The following ZNF79 variants were observed in gnomAD, a reference collection of about 807,000 sequenced individuals.
ZNF79 encodes the protein zinc finger protein 79, also known as ZNFpT7.
Under a neutral mutation model 14.9 loss-of-function variants are expected in ZNF79, and 13 were observed. The ratio of observed to expected loss-of-function variants is 0.87; its 90% CI spans 0.57 to 1.38. ZNF79 has a LOEUF of 1.38. Ranked by LOEUF, ZNF79 falls within the 40% of genes most tolerant of loss-of-function variation. ZNF79 has a pLI of 0.00. For synonymous variants in ZNF79, 223 were observed against 235.1 expected, an observed-to-expected ratio of 0.95 and a Z score of 0.47; for missense variants, 631 against 630.6, an observed-to-expected ratio of 1.00 and a Z score of -0.01.
At chr9:127,432,946 A>G (rs1833886315) in intron 2 of ZNF79, among the ~76,000 whole-genome samples, 2 of 151,946 alleles carry the variant, frequency 1.3e-5, no homozygotes, top group Non-Finnish European at 2.9e-5. Flanking sequence ...AATATTTTTT[A>G]GTTTTTTGTA....
At position 127,435,908 on chromosome 9, in the gene ZNF79, G is replaced by A. The variant is rs748554777; in HGVS notation, c.233G>A (p.Gly78Glu). The A allele has an allele frequency of 1.2e-6, 2 of 1,613,990 alleles. No individual in the cohort carries two copies. The highest frequency in any genetic ancestry group is 3.3e-5 in the Admixed American group (2 of 60,004). Residue 78 changes from glycine to glutamate, a missense_variant and splice_region_variant, in exon 4 of 5, where the codon GGA becomes GAA. Coordinates refer to ENST00000342483, the MANE Select transcript of ZNF79 (RefSeq NM_007135.3). ...AAGCCTGTTTTTTCCCGTTGAATAG[G>A]ACTTCCAGTTTCCCAGCCTGGCATG... ...PGKSRSLVLL[G>E]LPVSQPGMNS...
rs754055399 is a variant in ZNF79 at position 127,435,902 on chromosome 9, G to A, written c.233-6G>A. 8.1e-6 allele frequency: 13 copies of A among 1,613,582 alleles called. No individual in the cohort carries two copies. Among genetic ancestry groups the A allele is most frequent in the Non-Finnish European group, 1.0e-5 (12 of 1,179,708 alleles). On this transcript the variant is annotated splice_polypyrimidine_tract_variant and splice_region_variant and intron_variant, in intron 3 of 4. Transcript: ENST00000342483. ...TTTCTAAAGCCTGTTTTTTCCCGTTGAATAGGACTTCCAGTTTCCCAGCCT... is the reference window on the plus strand; with the variant it reads ...TTTCTAAAGCCTGTTTTTTCCCGTTAAATAGGACTTCCAGTTTCCCAGCCT...
rs779400564 is a variant in ZNF79, at chr9:127,444,763, C to G, written c.1063C>G (p.His355Asp). 6.2e-7 allele frequency: 1 copy of G among 1,609,236 alleles called. No homozygotes were observed. The highest frequency in any genetic ancestry group is 8.5e-7 in the Non-Finnish European group (1 of 1,175,958). ...AGCGTTCATTCAGCACCAGAGGATT[C>G]ACACCGGGGAGAAGCCCTACAGATG... is the stretch of plus-strand genomic sequence containing the variant. ...CAAFIQHQRIHTGEKPYRCAA... is the reference protein window; with the variant it reads ...CAAFIQHQRIDTGEKPYRCAA... Residue 355 changes from histidine (H) to aspartate (D), a missense_variant, in exon 5 of 5, where the codon CAC becomes GAC. His to Asp is a moderately conservative substitution (Grantham distance 81). Coordinates refer to ENST00000342483, the MANE Select transcript of ZNF79 (RefSeq NM_007135.3).
intron 4 of ZNF79, among the ~76,000 whole-genome samples, chr9:127,440,760 G>T (rs899082102): frequency 2.6e-5 from 4 of 152,188 alleles, no homozygotes; most frequent in African/African-American, 9.7e-5. Flanking sequence ...TGGCCTGTAA[G>T]AGAGGGGTCA....
chr9:127,428,969 A>T, intron 2 of ZNF79, 49 bp downstream of exon 2: 1 of 1,274,652 alleles, frequency 7.8e-7, no homozygotes, highest in Non-Finnish European at 1.1e-6. Flanking sequence ...CCCCCCTAAT[A>T]CTAATGGTAG....
chr9:127,441,014 C>G (rs1394302900), intron 4 of ZNF79, among the ~76,000 whole-genome samples: 1 of 152,154 alleles, frequency 6.6e-6, no homozygotes, highest in Non-Finnish European at 1.5e-5. Context: ...AGGGACAGGC[C>G]ATTTGTGAGC....
intron 4 of ZNF79, among the ~76,000 whole-genome samples, chr9:127,441,779 A>G (rs1385836730): frequency 2.6e-5 from 4 of 151,860 alleles, no homozygotes; most frequent in African/African-American, 9.7e-5. Flanking sequence ...CCCTGTCTCT[A>G]CTAAAAATCC....
chr9:127,429,800 TTC>T (rs1290726003), intron 2 of ZNF79, among the ~76,000 whole-genome samples: 1 of 150,486 alleles, frequency 6.6e-6, no homozygotes, highest in African/African-American at 2.4e-5. Flanking sequence ...CTCAGTCATA[TTC>T]TCTCTTTTAT....
intron 4 of ZNF79, among the ~76,000 whole-genome samples, chr9:127,440,656 T>C (rs1834032777): frequency 6.6e-6 from 1 of 152,140 alleles, no homozygotes; most frequent in South Asian, 2.1e-4. Flanking sequence ...AATTCAGCGT[T>C]ATGTGTGAAG....
chr9:127,444,317 C>T lies in ZNF79; in HGVS notation c.617C>T (p.Ser206Phe). Residue 206 changes from serine (S) to phenylalanine (F), a missense_variant, in exon 5 of 5, where the codon TCT becomes TTT. Coordinates refer to ENST00000342483, the MANE Select transcript of ZNF79 (RefSeq NM_007135.3). The part of the protein sequence containing the change: ...NECGKAFSYC[S>F]SLSQHQKSHT... ...TGTGGCAAAGCCTTCAGTTACTGTT[C>T]TTCCCTTTCTCAGCATCAGAAGAGC... 1 of 1,614,186 alleles carries T rather than the reference C, an allele frequency of 6.2e-7. No homozygotes were observed. The highest frequency in any genetic ancestry group is 1.1e-5 in the South Asian group (1 of 91,082).
Position 127,426,770 on chromosome 9 carries a change from T to C in ZNF79, c.16+1967T>C, listed in dbSNP as rs115031149. 2.1e-3 allele frequency among the ~76,000 whole-genome samples: 318 copies of C among 152,302 alleles called. 2 individuals carry two copies. The highest frequency in any genetic ancestry group is 7.0e-3 in the African/African-American group (292 of 41,562). ...CACATTTTGTGTATCCATTCTTCAG[T>C]GAATTTTTGTGTGTGTGTATGTTTG... On this transcript the variant is annotated intron_variant, in intron 1 of 4. Transcript: ENST00000342483.
intron 2 of ZNF79, among the ~76,000 whole-genome samples, chr9:127,429,403 C>T (rs1411397087): frequency 1.3e-5 from 2 of 151,970 alleles, no homozygotes; most frequent in Non-Finnish European, 2.9e-5. Flanking sequence ...TCACTGCAGC[C>T]TCAACCTCCT....
chr9:127,444,601 GGAGAGAAGCC>G lies in ZNF79; in HGVS notation c.902_911del (p.Gly301AlafsTer102). 6.2e-7 allele frequency: 1 copy of G among 1,614,118 alleles called. No individual in the cohort carries two copies. Among genetic ancestry groups the G allele is most frequent in the Non-Finnish European group, 8.5e-7 (1 of 1,180,046 alleles). ...TGTTCAGCATCAGAGAATTCATACC[GGAGAGAAGCC>G]CTACGAATGCAGCGACTGTGGGAAG... On this transcript the variant is annotated frameshift_variant, in exon 5 of 5. Transcript: ENST00000342483. LOFTEE classifies it low-confidence loss of function (END_TRUNC).
At position 127,444,872 on chromosome 9, in the gene ZNF79, G is replaced by A; in HGVS notation, c.1172G>A (p.Cys391Tyr). Reference protein sequence around the residue: ...RTHTGEKPYKCSECGKAFSQS... With the variant: ...RTHTGEKPYKYSECGKAFSQS... ...CACACTGGGGAGAAACCCTACAAGT[G>A]CAGCGAGTGTGGGAAGGCCTTCAGC... is the stretch of plus-strand genomic sequence containing the variant. Residue 391 changes from cysteine to tyrosine, a missense_variant, in exon 5 of 5, where the codon TGC becomes TAC. Transcript: ENST00000342483. 1 of 1,614,168 alleles carries A rather than the reference G, an allele frequency of 6.2e-7. No homozygotes were observed. Among genetic ancestry groups the A allele is most frequent in the Non-Finnish European group, 8.5e-7 (1 of 1,180,034 alleles).
intron 2 of ZNF79, among the ~76,000 whole-genome samples, chr9:127,431,242 T>C (rs1053806366): frequency 1.3e-5 from 2 of 151,782 alleles, no homozygotes; most frequent in East Asian, 1.9e-4. Context: ...AGTCTGTTGA[T>C]AGTTTCTTTT....
intron 4 of ZNF79, among the ~76,000 whole-genome samples, chr9:127,436,974 C>T (rs528273435): frequency 1.3e-5 from 2 of 150,076 alleles, no homozygotes; most frequent in South Asian, 4.2e-4. Flanking sequence ...GCAGGAGAAT[C>T]ACTTGAACCT....
At chr9:127,437,344 C>CCA (rs1554750096) in intron 4 of ZNF79, among the ~76,000 whole-genome samples, 2 of 151,684 alleles carry the variant, frequency 1.3e-5, no homozygotes, top group African/African-American at 4.8e-5. Flanking sequence ...CAAGGCCCCC[C>CCA]CCCGCTGCCT....
intron 4 of ZNF79, among the ~76,000 whole-genome samples, chr9:127,437,687 T>G (rs1034704555): frequency 1.3e-5 from 2 of 151,678 alleles, no homozygotes; most frequent in Non-Finnish European, 2.9e-5. Flanking sequence ...CTTTCTAGTT[T>G]CCGGTGGTTG....
rs1330062507 is a variant in ZNF79 at position 127,444,615 on chromosome 9, C to T, written c.915C>T (p.Tyr305=). The T allele has an allele frequency of 1.2e-5, 19 of 1,614,008 alleles. No individual in the cohort carries two copies. The highest frequency in any genetic ancestry group is 3.3e-5 in the South Asian group (3 of 91,070). ...GAATTCATACCGGAGAGAAGCCCTACGAATGCAGCGACTGTGGGAAGGCCT... is the reference window on the plus strand; with the variant it reads ...GAATTCATACCGGAGAGAAGCCCTATGAATGCAGCGACTGTGGGAAGGCCT... ...HQRIHTGEKP[Y]ECSDCGKAFR... The change falls in exon 5 of 5, where the codon TAC becomes TAT. Residue 305 remains tyrosine, a synonymous_variant. Coordinates refer to ENST00000342483, the MANE Select transcript of ZNF79 (RefSeq NM_007135.3).
Sources: allele counts gnomAD v4.1 joint callset (sites outside exome capture counted in the v4.1 genomes callset), GRCh38; gene constraint gnomAD v4.1.1; transcripts MANE v1.5; gene names NCBI Gene and HGNC (gene_info 2026-07-23, HGNC 2026-07-21).